WWOX: variants seen among roughly 807,000 people sequenced by gnomAD.
WWOX encodes WW domain-containing oxidoreductase.
A neutral mutation model predicts 46.2 loss-of-function variants in WWOX; 69 were observed. The ratio of observed to expected loss-of-function variants is 1.49; its 90% CI spans 1.23 to 1.82. The LOEUF is 1.82. Ranked by LOEUF, WWOX falls within the 40% of genes most tolerant of loss-of-function variation. WWOX has a pLI of 0.00. For synonymous variants in WWOX, 359 were observed against 202.6 expected (o/e 1.77, Z -6.56); for missense variants, 919 against 542.6 (o/e 1.69, Z -6.89).
At chr16:78,353,070 T>C (rs1000057502) in intron 5 of WWOX, among the ~76,000 whole-genome samples, 7 of 152,166 alleles carry the variant, frequency 4.6e-5, no homozygotes, top group African/African-American at 1.7e-4. Context: ...CTCAGATTTT[T>C]GTATGAGGAA....
chr16:78,622,609 C>A lies in WWOX; in HGVS notation c.1056+189857C>A, dbSNP rs146750384. On this transcript the variant is annotated intron_variant, in intron 8 of 8. Transcript: ENST00000566780. ...TTGACAGATGGACCCTAAGACGGCCCCAGTGATACCCCACCTCCTGGTGTC... is the reference window on the plus strand; with the variant it reads ...TTGACAGATGGACCCTAAGACGGCCACAGTGATACCCCACCTCCTGGTGTC... Among the ~76,000 whole-genome samples the A allele has an allele frequency of 3.9e-3, 593 of 152,082 alleles. 2 individuals are homozygous for A. The highest frequency in any genetic ancestry group is 0.014 in the African/African-American group (575 of 41,480).
chr16:78,374,066 C>T (rs1245843312), intron 5 of WWOX, among the ~76,000 whole-genome samples: 1 of 152,208 alleles, frequency 6.6e-6, no homozygotes, highest in African/African-American at 2.4e-5. Flanking sequence ...GGATTATAGG[C>T]GTGAGCCATT....
intron 8 of WWOX, among the ~76,000 whole-genome samples, chr16:78,520,287 G>C (rs184481444): frequency 6.6e-6 from 1 of 152,152 alleles, no homozygotes; most frequent in Non-Finnish European, 1.5e-5. Context: ...AACACTCAAC[G>C]CAGTGAATTT....
At chr16:79,039,367 G>A (rs1039873098) in intron 8 of WWOX, among the ~76,000 whole-genome samples, 1 of 152,076 alleles carries the variant, frequency 6.6e-6, no homozygotes, top group Non-Finnish European at 1.5e-5. Flanking sequence ...GACTAAGTGG[G>A]ACCAGGCCGA....
intron 5 of WWOX, among the ~76,000 whole-genome samples, chr16:78,225,645 G>T (rs2037028831): frequency 6.6e-6 from 1 of 152,116 alleles, no homozygotes; most frequent in Non-Finnish European, 1.5e-5. Flanking sequence ...TAAGGATCCA[G>T]CTGATTTTCT....
At chr16:78,418,889 C>G (rs2082861049) in intron 6 of WWOX, among the ~76,000 whole-genome samples, 1 of 151,868 alleles carries the variant, frequency 6.6e-6, no homozygotes, top group South Asian at 2.1e-4. Context: ...AGAAATAAGA[C>G]AAGGATATTC....
chr16:78,424,386 C>G (rs1216148146), intron 6 of WWOX, among the ~76,000 whole-genome samples: 2 of 152,304 alleles, frequency 1.3e-5, no homozygotes, highest in South Asian at 4.1e-4. Context: ...TCCCAAAGTG[C>G]TGGGATTACA....
At chr16:78,987,074 T>C (rs147772761) in intron 8 of WWOX, among the ~76,000 whole-genome samples, 1 of 152,218 alleles carries the variant, frequency 6.6e-6, no homozygotes, top group African/African-American at 2.4e-5. Flanking sequence ...CATGGTTATT[T>C]AAGTACAGCT....
chr16:78,966,004 A>G (rs1240930129), intron 8 of WWOX, among the ~76,000 whole-genome samples: 2 of 152,190 alleles, frequency 1.3e-5, no homozygotes, highest in African/African-American at 4.8e-5. Context: ...GAGAACAAGA[A>G]TGGAAAAAGT....
At chr16:78,993,477 C>T (rs957634842) in intron 8 of WWOX, among the ~76,000 whole-genome samples, 1 of 152,170 alleles carries the variant, frequency 6.6e-6, no homozygotes, top group African/African-American at 2.4e-5. Flanking sequence ...TTAAGCAGGG[C>T]TGCCAGGTGT....
chr16:78,628,378 G>A (rs1162219508), intron 8 of WWOX, among the ~76,000 whole-genome samples: 4 of 152,066 alleles, frequency 2.6e-5, no homozygotes, highest in East Asian at 1.9e-4. Flanking sequence ...CCCAAGCCCC[G>A]TGTGGCCATT....
intron 8 of WWOX, among the ~76,000 whole-genome samples, chr16:79,135,585 A>G (rs2150705208): frequency 6.6e-6 from 1 of 152,306 alleles, no homozygotes; most frequent in South Asian, 2.1e-4. Context: ...TAGGTAGAGT[A>G]TATTCCTAGA....
intron 8 of WWOX, among the ~76,000 whole-genome samples, chr16:78,972,660 C>T (rs1483234331): frequency 6.6e-6 from 1 of 152,184 alleles, no homozygotes; most frequent in African/African-American, 2.4e-5. Flanking sequence ...GTTTCAACTG[C>T]AGAGCCTATT....
chr16:79,128,053 A>C (rs1215786296), intron 8 of WWOX, among the ~76,000 whole-genome samples: 4 of 152,130 alleles, frequency 2.6e-5, no homozygotes, highest in African/African-American at 9.7e-5. Context: ...GGAGCAGGGG[A>C]GATGCTGATG....
chr16:79,001,132 G>T (rs2047084253), intron 8 of WWOX, among the ~76,000 whole-genome samples: 1 of 152,134 alleles, frequency 6.6e-6, no homozygotes, highest in South Asian at 2.1e-4. Context: ...CCACATCCAG[G>T]TGCCAGTCAG....
chr16:78,943,653 A>G (rs901761852), intron 8 of WWOX, among the ~76,000 whole-genome samples: 17 of 152,304 alleles, frequency 1.1e-4, no homozygotes, highest in Admixed American at 8.5e-4. Context: ...GCAGCTGAAA[A>G]AATCCAGAAG....
chr16:78,852,545 C>T (rs761888751), intron 8 of WWOX, among the ~76,000 whole-genome samples: 6 of 152,100 alleles, frequency 3.9e-5, no homozygotes, highest in Non-Finnish European at 8.8e-5. Context: ...TTTGGATGAC[C>T]ACAGATGAAA....
intron 8 of WWOX, among the ~76,000 whole-genome samples, chr16:78,729,031 GC>G (rs1208209616): frequency 6.6e-6 from 1 of 152,030 alleles, no homozygotes; most frequent in African/African-American, 2.4e-5. Context: ...AAGATATCCC[GC>G]CCCACCAAAG....
intron 1 of WWOX, among the ~76,000 whole-genome samples, chr16:78,103,842 G>A (rs1016866857): frequency 4.6e-5 from 7 of 151,838 alleles, no homozygotes; most frequent in South Asian, 2.1e-4. Context: ...GGTGGAACCC[G>A]GTCTTGTGTG....
Sources: allele counts gnomAD v4.1 joint callset (sites outside exome capture counted in the v4.1 genomes callset), GRCh38; gene constraint gnomAD v4.1.1; transcripts MANE v1.5; gene names NCBI Gene and HGNC (gene_info 2026-07-23, HGNC 2026-07-21).